The following ITGAM variants were observed in gnomAD, a reference collection of about 807,000 sequenced individuals.
ITGAM encodes integrin alpha-M.
In ITGAM, 79 loss-of-function variants were observed where a neutral mutation model predicts 137.5. The ratio of observed to expected loss-of-function variants is 0.57; its 90% CI spans 0.48 to 0.69. ITGAM has a LOEUF of 0.69. Among genes scored for constraint, ITGAM ranks in the 30% least tolerant of loss-of-function variants. ITGAM has a pLI of 0.00. For synonymous variants in ITGAM, 583 were observed against 592.3 expected (o/e 0.98, Z 0.23); for missense variants, 1,343 against 1,483.5 (o/e 0.91, Z 1.56).
chr16:31,282,540 C>A (rs1422470624), intron 12 of ITGAM, among the ~76,000 whole-genome samples: 1 of 152,080 alleles, frequency 6.6e-6, no homozygotes, highest in African/African-American at 2.4e-5. Context: ...AGGATTGCAA[C>A]CCCTGGTTTT....
At chr16:31,288,673 A>G (rs2080054179) in intron 12 of ITGAM, among the ~76,000 whole-genome samples, 1 of 152,242 alleles carries the variant, frequency 6.6e-6, no homozygotes, top group Non-Finnish European at 1.5e-5. Context: ...AAACCTAGGC[A>G]TTACCATTCA....
At chr16:31,274,857 T>A (rs1477386822) in intron 8 of ITGAM, among the ~76,000 whole-genome samples, 1 of 152,180 alleles carries the variant, frequency 6.6e-6, no homozygotes, top group Non-Finnish European at 1.5e-5. Context: ...TGATCTCAAG[T>A]GATCTGCCCG....
intron 12 of ITGAM, among the ~76,000 whole-genome samples, chr16:31,282,696 T>C (rs1373605709): frequency 6.6e-6 from 1 of 152,258 alleles, no homozygotes; most frequent in Non-Finnish European, 1.5e-5. Flanking sequence ...TGCCTTTTAA[T>C]TGGAGCATTG....
intron 5 of ITGAM, among the ~76,000 whole-genome samples, chr16:31,270,742 T>TACATA (rs1555464844): frequency 9.1e-6 from 1 of 109,894 alleles, no homozygotes; most frequent in African/African-American, 4.0e-5. Flanking sequence ...TATATATATA[T>TACATA]ATGTTTTTAA....
chr16:31,301,538 C>T (rs1284268831), intron 14 of ITGAM, among the ~76,000 whole-genome samples: 5 of 152,094 alleles, frequency 3.3e-5, no homozygotes, highest in African/African-American at 4.8e-5. Flanking sequence ...CACTTATATT[C>T]GCTTTAGAAA....
intron 12 of ITGAM, among the ~76,000 whole-genome samples, chr16:31,294,555 AC>A (rs762911077): frequency 6.6e-6 from 1 of 152,028 alleles, no homozygotes; most frequent in Non-Finnish European, 1.5e-5. Context: ...CATATGTTGA[AC>A]CAACTTTGCA....
At chr16:31,301,016 C>T (rs1321192249) in intron 14 of ITGAM, among the ~76,000 whole-genome samples, 1 of 152,182 alleles carries the variant, frequency 6.6e-6, no homozygotes, top group Non-Finnish European at 1.5e-5. Flanking sequence ...CAAATACTCT[C>T]TCCCATTCCA....
chr16:31,266,367 G>GAGCCCAGGAGCTTGAGA (rs918774107), intron 5 of ITGAM, among the ~76,000 whole-genome samples: 2 of 151,330 alleles, frequency 1.3e-5, no homozygotes, highest in African/African-American at 2.4e-5. Flanking sequence ...AAAGCTTTGG[G>GAGCCCAGGAGCTTGAGA]AGCCCAGGAG....
intron 12 of ITGAM, among the ~76,000 whole-genome samples, chr16:31,289,108 C>G (rs376634833): frequency 3.3e-5 from 5 of 151,922 alleles, no homozygotes; most frequent in East Asian, 1.9e-4. Context: ...GGAAACAACA[C>G]GTGCTGGAGA....
intron 12 of ITGAM, among the ~76,000 whole-genome samples, chr16:31,283,700 G>A (rs530748181): frequency 7.9e-5 from 12 of 152,286 alleles, no homozygotes; most frequent in East Asian, 3.9e-4. Context: ...TGTTATTACC[G>A]ATCATCTGAA....
rs1482404508 is a variant in ITGAM, at chr16:31,302,395, CTTTTCT to C, written c.1707+4445_1707+4450del. On this transcript the variant is annotated intron_variant, in intron 14 of 29. Transcript: ENST00000544665. ...TTTTCTTTCTTTTCTTTTCTTTTTT[CTTTTCT>C]TTTCTTTTTTCTTTCTTTCTTTCTT... Among the ~76,000 whole-genome samples, 221 of 141,864 alleles carry C rather than the reference CTTTTCT, an allele frequency of 1.6e-3. 1 individual carries two copies. Among genetic ancestry groups the C allele is most frequent in the African/African-American group, 4.1e-3 (154 of 37,498 alleles). The allele number at this position is 141,864 out of a possible 152,430, so 93.1% of individuals were successfully genotyped here.
At chr16:31,285,266 G>T (rs1203910506) in intron 12 of ITGAM, among the ~76,000 whole-genome samples, 1 of 152,016 alleles carries the variant, frequency 6.6e-6, no homozygotes, top group Non-Finnish European at 1.5e-5. Flanking sequence ...CCAGACCCAG[G>T]GTGCAGCACA....
chr16:31,329,181 G>A (rs750469512), intron 23 of ITGAM, 47 bp from the exon 24 acceptor site: 4 of 1,303,614 alleles, frequency 3.1e-6, no homozygotes, highest in African/African-American at 1.5e-5. Context: ...CCCTCCCAGG[G>A]CACCCCTCAT....
At chr16:31,316,885 T>C (rs1187163966) in intron 14 of ITGAM, among the ~76,000 whole-genome samples, 2 of 152,208 alleles carry the variant, frequency 1.3e-5, no homozygotes, top group Non-Finnish European at 2.9e-5. Context: ...GATTAATTTC[T>C]TTTTCAGATA....
chr16:31,276,616 G>A (rs928302362), intron 9 of ITGAM, 55 bp from the exon 10 acceptor site: 1 of 1,316,264 alleles, frequency 7.6e-7, no homozygotes, highest in Non-Finnish European at 1.1e-6. Context: ...ACAGGCGTGA[G>A]CCACCATGCC....
intron 14 of ITGAM, among the ~76,000 whole-genome samples, chr16:31,300,054 T>C (rs919793427): frequency 2.0e-5 from 3 of 152,072 alleles, no homozygotes; most frequent in African/African-American, 7.2e-5. Context: ...AGAGATGGGG[T>C]CTCCCTATGT....
At chr16:31,273,607 C>A in intron 8 of ITGAM, 89 bp downstream of exon 8, 1 of 1,323,872 alleles carries the variant, frequency 7.6e-7, no homozygotes, top group Non-Finnish European at 1.1e-6. Context: ...TTATTAAAAT[C>A]AAAGTGACAT....
At chr16:31,299,879 G>A (rs2080180710) in intron 14 of ITGAM, among the ~76,000 whole-genome samples, 1 of 121,008 alleles carries the variant, frequency 8.3e-6, no homozygotes, top group Non-Finnish European at 1.6e-5. Context: ...CTTCTTTTTT[G>A]ACAAAGTCTT....
At chr16:31,331,499 G>T (rs1258595840) in intron 29 of ITGAM, 137 bp from the exon 30 acceptor site, 5 of 680,560 alleles carry the variant, frequency 7.3e-6, no homozygotes, top group Non-Finnish European at 1.3e-5. Flanking sequence ...AGGCCCCGAC[G>T]CGGATGTCAC....
Sources: gnomAD v4.1 joint callset for allele counts (sites outside exome capture counted in the v4.1 genomes callset) on GRCh38, gnomAD v4.1.1 for gene constraint, MANE v1.5 for transcripts, NCBI Gene and HGNC (gene_info 2026-07-23, HGNC 2026-07-21) for gene names.